SPATA13: variants seen among roughly 807,000 people sequenced by gnomAD.
The protein encoded by SPATA13 is spermatogenesis associated 13, also known as spermatogenesis-associated protein 13.
A neutral mutation model predicts 104.0 loss-of-function variants in SPATA13; 50 were observed. That is an observed-to-expected ratio of 0.48 (90% confidence interval 0.38 to 0.61). The LOEUF is 0.61. Ranked by LOEUF, SPATA13 falls within the 20% of genes least tolerant of loss-of-function variation. The pLI is 0.00. For synonymous variants in SPATA13, 606 were observed against 667.5 expected (o/e 0.91, Z 1.42); for missense variants, 1,524 against 1,690.6 (o/e 0.90, Z 1.73).
intron 3 of SPATA13, among the ~76,000 whole-genome samples, chr13:24,058,866 T>C (rs1878667753): frequency 6.6e-6 from 1 of 151,872 alleles, no homozygotes; most frequent in South Asian, 2.1e-4. Flanking sequence ...ACATCACCTT[T>C]CTTGGACAGC....
Position 24,037,545 on chromosome 13 carries a change from C to T in SPATA13, c.-112+19844C>T, listed in dbSNP as rs1034472459. On this transcript the variant is annotated intron_variant, in intron 3 of 14. Transcript: ENST00000424834. ...GCCTCAGCCTCCTGAGTAGCTGGGA[C>T]TACAGGTGTGCACACCACCACACCT... Among the ~76,000 whole-genome samples, 45 of 16,688 alleles carry T rather than the reference C, an allele frequency of 2.7e-3. No individual in the cohort carries two copies. In the East Asian group the frequency reaches 0.31, roughly 116 times the overall value. 10.9% of individuals were successfully genotyped at this position (16,688 alleles called of 152,430 possible). A position where few individuals can be genotyped will look rare whatever the true frequency, so the allele number is the denominator to read the frequency against.
At chr13:24,136,260 T>C (rs1371918610) in intron 3 of SPATA13, among the ~76,000 whole-genome samples, 1 of 152,162 alleles carries the variant, frequency 6.6e-6, no homozygotes, top group Non-Finnish European at 1.5e-5. Flanking sequence ...GTGGATCACC[T>C]GAGGTCGGGA....
chr13:24,160,671 G>T, upstream of SPATA13: 1 of 973,288 alleles, frequency 1.0e-6, no homozygotes, highest in African/African-American at 1.8e-5. Context: ...GGAAGAGCCG[G>T]GCTGGGGGCG....
chr13:24,202,100 AAATAAATAAAT>A (rs1870444426), intron 1 of SPATA13, among the ~76,000 whole-genome samples: 1 of 76,200 alleles, frequency 1.3e-5, no homozygotes, highest in Non-Finnish European at 2.8e-5. Context: ...ATAAATAAAT[AAATAAATAAAT>A]AAAAAGTGAC....
At chr13:23,996,466 T>C (rs1875699598) in intron 2 of SPATA13, among the ~76,000 whole-genome samples, 1 of 152,174 alleles carries the variant, frequency 6.6e-6, no homozygotes. Context: ...GTGACTGAAC[T>C]GGGGCTGTCA....
chr13:23,991,034 C>T lies in SPATA13; in HGVS notation c.-147+7101C>T, dbSNP rs147546269. Among the ~76,000 whole-genome samples, 38 of 152,266 alleles carry T rather than the reference C, an allele frequency of 2.5e-4. No homozygotes were observed. The East Asian group carries it at 6.2e-3, about 25-fold the overall frequency. ...AGACAGTGAAAGAAGATGAAGCCCG[C>T]TCAAGGTTAAGATCAGGCAGAGGAG... is the stretch of plus-strand genomic sequence containing the variant. On this transcript the variant is annotated intron_variant, in intron 2 of 14. Coordinates refer to the SPATA13 transcript ENST00000424834.
intron 3 of SPATA13, among the ~76,000 whole-genome samples, chr13:24,065,592 A>G (rs6490865): frequency 0.9 from 136,365 of 152,092 alleles, 61,743 homozygotes; most frequent in South Asian, 0.98. Flanking sequence ...TAACAAAAAT[A>G]TAAGCTCCTC....
At position 24,061,935 on chromosome 13, in the gene SPATA13, C is replaced by T. The variant is rs1470344276; in HGVS notation, c.-112+44234C>T. 3.3e-5 allele frequency among the ~76,000 whole-genome samples: 5 copies of T among 151,810 alleles called. No individual in the cohort carries two copies. The South Asian group carries it at 1.0e-3, about 32-fold the overall frequency. Reference sequence around the variant, plus strand: ...TGAGGCTCAGAGAAGTTAAGTACCTCACCCAAAGCCACACAGCTAGCTGGT... The same window carrying T: ...TGAGGCTCAGAGAAGTTAAGTACCTTACCCAAAGCCACACAGCTAGCTGGT... On this transcript the variant is annotated intron_variant, in intron 3 of 14. Transcript: ENST00000424834.
rs746798376 is a variant in SPATA13 at position 24,300,500 on chromosome 13, C to CCCTT, written c.3658+26_3658+29dup. ...GGTAAGTTATGGAGAAGGCTTTGTC[C>CCCTT]CCTTAATGCTTATCAGTATTCTCCT... On this transcript the variant is annotated intron_variant, in intron 12 of 12. Transcript: ENST00000382108. The CCCTT allele has an allele frequency of 8.7e-6, 14 of 1,604,294 alleles. No homozygotes were observed. In the Admixed American group the frequency reaches 2.2e-4, roughly 25 times the overall value.
Position 24,011,092 on chromosome 13 carries a change from G to T in SPATA13, c.-146-6575G>T, listed in dbSNP as rs1244487815. Among the ~76,000 whole-genome samples, 1 of 152,068 alleles carries T rather than the reference G, an allele frequency of 6.6e-6. No homozygotes were observed. The highest frequency in any genetic ancestry group is 1.5e-5 in the Non-Finnish European group (1 of 68,000). On this transcript the variant is annotated intron_variant, in intron 2 of 14. Coordinates refer to the SPATA13 transcript ENST00000424834. The surrounding 1 kb of genome is among the most constrained non-coding windows in gnomAD (Gnocchi z 4.3). Reference sequence around the variant, plus strand: ...CTGACTCCTCTGCAACCTTGGCTTTGGTTTCTCCCCAGGTCCTGACCACCT... The same window carrying T: ...CTGACTCCTCTGCAACCTTGGCTTTTGTTTCTCCCCAGGTCCTGACCACCT...
intron 3 of SPATA13, among the ~76,000 whole-genome samples, chr13:24,059,624 C>T (rs1371372040): frequency 6.6e-6 from 1 of 152,186 alleles, no homozygotes; most frequent in Non-Finnish European, 1.5e-5. Flanking sequence ...TTAATCCTGT[C>T]ATTAGTGCTT....
intron 3 of SPATA13, among the ~76,000 whole-genome samples, chr13:24,040,458 C>T (rs1382089719): frequency 6.6e-6 from 1 of 152,102 alleles, no homozygotes; most frequent in African/African-American, 2.4e-5. Context: ...CAGCACCGCC[C>T]TTGACAGGAA....
chr13:24,012,767 G>C (rs1449161941), intron 2 of SPATA13, among the ~76,000 whole-genome samples: 1 of 152,206 alleles, frequency 6.6e-6, no homozygotes, highest in Non-Finnish European at 1.5e-5. Context: ...CACTGCAACA[G>C]TCAGTGTTGC....
intron 2 of SPATA13, among the ~76,000 whole-genome samples, chr13:23,987,358 A>T (rs1875199623): frequency 1.3e-5 from 2 of 152,200 alleles, no homozygotes; most frequent in African/African-American, 4.8e-5. Context: ...TGGATAAAAG[A>T]TAGCTTGAAT....
chr13:24,280,779 A>C (rs1031480874), intron 4 of SPATA13, among the ~76,000 whole-genome samples: 17 of 152,138 alleles, frequency 1.1e-4, no homozygotes, highest in Non-Finnish European at 1.5e-5. Flanking sequence ...TCATGCATGA[A>C]AAAAATGATG....
At position 24,257,218 on chromosome 13, in the gene SPATA13, T is replaced by G. The variant is rs141902900; in HGVS notation, c.2164+5356T>G. Among the ~76,000 whole-genome samples the G allele has an allele frequency of 7.5e-3, 1,142 of 152,332 alleles. 7 individuals carry two copies. The highest frequency in any genetic ancestry group is 0.017 in the Middle Eastern group (5 of 294). ...TACGTATCTTGTCCAGAGTTCAGAT[T>G]AGCTTGCTTTTCTTATCTTCCAGAG... On this transcript the variant is annotated intron_variant, in intron 4 of 12. Coordinates refer to ENST00000382108, the MANE Select transcript of SPATA13 (RefSeq NM_001166271.3).
chr13:24,257,972 C>T (rs1220119389), intron 4 of SPATA13, among the ~76,000 whole-genome samples: 3 of 152,174 alleles, frequency 2.0e-5, no homozygotes, highest in South Asian at 2.1e-4. Flanking sequence ...TGCTCTGAAA[C>T]GATAAGAATT....
At chr13:24,110,819 G>C (rs1880614873) in intron 3 of SPATA13, among the ~76,000 whole-genome samples, 1 of 152,234 alleles carries the variant, frequency 6.6e-6, no homozygotes, top group South Asian at 2.1e-4. Flanking sequence ...ACCAACTTGA[G>C]ATAAGGAAGT....
chr13:24,005,361 G>T (rs2137678705), intron 2 of SPATA13, among the ~76,000 whole-genome samples: 1 of 152,298 alleles, frequency 6.6e-6, no homozygotes, highest in East Asian at 1.9e-4. Flanking sequence ...CAATGAATTG[G>T]AGGGTTGCCT....
Sources: gnomAD v4.1 joint callset for allele counts (sites outside exome capture counted in the v4.1 genomes callset) on GRCh38, gnomAD v4.1.1 for gene constraint, Gnocchi (gnomAD v3.1) non-coding constraint, MANE v1.5 for transcripts, NCBI Gene and HGNC (gene_info 2026-07-23, HGNC 2026-07-21) for gene names.